The following NOVA1 variants were observed in gnomAD, a reference collection of about 807,000 sequenced individuals.
The protein encoded by NOVA1 is NOVA alternative splicing regulator 1, also known as RNA-binding protein Nova-1.
A neutral mutation model predicts 38.0 loss-of-function variants in NOVA1; 7 were observed. The ratio of observed to expected loss-of-function variants is 0.18; its 90% confidence interval spans 0.10 to 0.35. The LOEUF (loss-of-function observed/expected upper bound fraction) is 0.35. Ranked by LOEUF, NOVA1 falls within the 10% of genes least tolerant of loss-of-function variation. NOVA1 has a pLI of 1.00. For missense variants in NOVA1, 460 were observed against 616.0 expected (o/e 0.75, Z 2.68); for synonymous variants, 270 against 232.5 (o/e 1.16, Z -1.47).
chr14:26,559,750 G>A (rs1236169256), intron 2 of NOVA1, among the ~76,000 whole-genome samples: 2 of 152,084 alleles, frequency 1.3e-5, no homozygotes, highest in Non-Finnish European at 2.9e-5. Flanking sequence ...GTTGAGTGGA[G>A]GGATAAAAAG....
intron 2 of NOVA1, among the ~76,000 whole-genome samples, chr14:26,487,348 T>C (rs1885998378): frequency 6.6e-6 from 1 of 152,214 alleles, no homozygotes; most frequent in African/African-American, 2.4e-5. Context: ...TCTCAGAATA[T>C]TCTTTTAAGT....
intron 2 of NOVA1, among the ~76,000 whole-genome samples, chr14:26,583,030 G>C (rs1476073657): frequency 6.6e-6 from 1 of 151,788 alleles, no homozygotes; most frequent in African/African-American, 2.4e-5. Flanking sequence ...ATAGCTGAAA[G>C]TGTGATAAAG....
chr14:26,555,956 T>C (rs1891455508), intron 2 of NOVA1, among the ~76,000 whole-genome samples: 2 of 152,138 alleles, frequency 1.3e-5, no homozygotes. Flanking sequence ...ACAAAATATG[T>C]TCATGTGCTA....
intron 2 of NOVA1, among the ~76,000 whole-genome samples, chr14:26,484,907 T>C (rs965781070): frequency 6.6e-6 from 1 of 151,694 alleles, no homozygotes; most frequent in Non-Finnish European, 1.5e-5. Flanking sequence ...ACTAAATAAG[T>C]ATCATATTAG....
Position 26,443,534 on chromosome 14 carries a change from C to T in NOVA1, c.*4425G>A, listed in dbSNP as rs1167603311. On this transcript the variant is annotated 3_prime_UTR_variant, in exon 5 of 5. Transcript: ENST00000539517. Reference sequence around the variant, plus strand: ...TTTCAAAATTAACATGACAAGTTCTCTAATACTTTCATTTTTTGAAAGAAA... The same window carrying T: ...TTTCAAAATTAACATGACAAGTTCTTTAATACTTTCATTTTTTGAAAGAAA... 3 of 152,078 alleles carry T rather than the reference C, an allele frequency of 2.0e-5. No homozygotes were observed. The highest frequency in any genetic ancestry group is 6.6e-5 in the Admixed American group (1 of 15,214). 9.4% of individuals were successfully genotyped at this position (152,078 alleles called of 1,614,324 possible). A position where few individuals can be genotyped will look rare whatever the true frequency, so the allele number is the denominator to read the frequency against.
At chr14:26,486,309 A>G (rs532062683) in intron 2 of NOVA1, among the ~76,000 whole-genome samples, 1 of 152,208 alleles carries the variant, frequency 6.6e-6, no homozygotes, top group South Asian at 2.1e-4. Flanking sequence ...GTTTGCTAAA[A>G]TATCTGATTA....
intron 4 of NOVA1, among the ~76,000 whole-genome samples, chr14:26,455,296 T>C (rs1056446737): frequency 6.6e-5 from 10 of 152,144 alleles, no homozygotes; most frequent in Non-Finnish European, 1.0e-4. Context: ...TGTTCTATTA[T>C]GTGCTGTTCT....
At chr14:26,529,296 C>A (rs1196653345) in intron 2 of NOVA1, among the ~76,000 whole-genome samples, 1 of 152,054 alleles carries the variant, frequency 6.6e-6, no homozygotes, top group African/African-American at 2.4e-5. Flanking sequence ...CACCACCATG[C>A]CCAGCTAATT....
In NOVA1 at chr14:26,456,868, C is replaced by T. The variant is rs535480473; in HGVS notation, c.520-7905G>A. On this transcript the variant is annotated intron_variant, in intron 4 of 4. Coordinates refer to ENST00000539517, the MANE Select transcript of NOVA1 (RefSeq NM_002515.3). Reference sequence around the variant, plus strand: ...AACACTAAATGTCATATACAAAGGACAGTATGCAGGCACTACACTATATGA... The same window carrying T: ...AACACTAAATGTCATATACAAAGGATAGTATGCAGGCACTACACTATATGA... Among the ~76,000 whole-genome samples the T allele has an allele frequency of 3.3e-5, 5 of 151,712 alleles. No homozygotes were observed. In the East Asian group the frequency reaches 9.7e-4, roughly 29 times the overall value.
chr14:26,539,544 T>C (rs1333469871), intron 2 of NOVA1, among the ~76,000 whole-genome samples: 1 of 152,046 alleles, frequency 6.6e-6, no homozygotes, highest in African/African-American at 2.4e-5. Flanking sequence ...TATATATGTG[T>C]ATATGCCTTT....
chr14:26,499,305 C>T (rs1480236773), intron 2 of NOVA1, among the ~76,000 whole-genome samples: 1 of 151,830 alleles, frequency 6.6e-6, no homozygotes, highest in Non-Finnish European at 1.5e-5. Flanking sequence ...CTTAACTATA[C>T]ATAGTAAAAT....
chr14:26,470,411 C>T (rs908835180), intron 4 of NOVA1: 68 of 1,507,018 alleles, frequency 4.5e-5, no homozygotes, highest in Non-Finnish European at 6.2e-5. Flanking sequence ...TTGATGATTA[C>T]AATTCTTTCA....
chr14:26,549,896 A>G (rs751745512), intron 2 of NOVA1: 40 of 328,914 alleles, frequency 1.2e-4, no homozygotes, highest in Non-Finnish European at 2.2e-4. Context: ...AGTACTATAG[A>G]AAATGAAAAT....
chr14:26,472,187 GT>G (rs1165206875), intron 4 of NOVA1, 132 bp downstream of exon 4: 1 of 620,054 alleles, frequency 1.6e-6, no homozygotes. Context: ...TCTTTCTTAG[GT>G]TATTTGGAAT....
At chr14:26,485,990 C>A (rs1036273496) in intron 2 of NOVA1, among the ~76,000 whole-genome samples, 2 of 151,986 alleles carry the variant, frequency 1.3e-5, no homozygotes, top group African/African-American at 4.8e-5. Flanking sequence ...CTCTAACAGG[C>A]AAAAGCTGAT....
intron 4 of NOVA1, among the ~76,000 whole-genome samples, chr14:26,466,949 G>C (rs1316948145): frequency 6.6e-6 from 1 of 152,106 alleles, no homozygotes; most frequent in East Asian, 1.9e-4. Context: ...AAAATGTTCT[G>C]TTCTTTATAA....
At chr14:26,597,118 T>C (rs1466796248) in intron 1 of NOVA1, 183 bp downstream of exon 1, 1 of 1,226,542 alleles carries the variant, frequency 8.2e-7, no homozygotes, top group African/African-American at 1.6e-5. Flanking sequence ...CGGGGACACC[T>C]AGGCGCGGGG....
intron 3 of NOVA1, among the ~76,000 whole-genome samples, chr14:26,473,559 T>A (rs933411502): frequency 2.0e-5 from 3 of 151,954 alleles, no homozygotes; most frequent in Non-Finnish European, 2.9e-5. Flanking sequence ...GAAGTCATAT[T>A]TTTGCATTTG....
At chr14:26,558,634 C>T (rs1408037365) in intron 2 of NOVA1, among the ~76,000 whole-genome samples, 3 of 151,852 alleles carry the variant, frequency 2.0e-5, no homozygotes, top group African/African-American at 7.3e-5. Flanking sequence ...GTCAATAATC[C>T]ATGACATACT....
Sources: gnomAD v4.1 joint callset for allele counts (sites outside exome capture counted in the v4.1 genomes callset) on GRCh38, gnomAD v4.1.1 for gene constraint, MANE v1.5 for transcripts, NCBI Gene and HGNC (gene_info 2026-07-23, HGNC 2026-07-21) for gene names.